The following GABRB3 variants were observed in gnomAD, a reference collection of about 807,000 sequenced individuals.
GABRB3 encodes the protein gamma-aminobutyric acid receptor subunit beta-3.
In GABRB3, 14 loss-of-function variants were observed where a neutral mutation model predicts 52.1. That is an observed-to-expected ratio of 0.27 (90% CI 0.18 to 0.42). GABRB3 has a LOEUF of 0.42. Ranked by LOEUF, GABRB3 falls within the 10% of genes least tolerant of loss-of-function variation. The pLI is 1.00. For missense variants in GABRB3, 307 were observed against 609.1 expected, an observed-to-expected ratio of 0.50 and a Z score of 5.22; for synonymous variants, 260 against 232.3, an observed-to-expected ratio of 1.12 and a Z score of -1.08.
intron 3 of GABRB3, among the ~76,000 whole-genome samples, chr15:26,638,169 G>C (rs1475800696): frequency 1.3e-5 from 2 of 152,138 alleles, no homozygotes; most frequent in Non-Finnish European, 2.9e-5. Flanking sequence ...CAGCCCACCA[G>C]GGTTCTGAAC....
At chr15:26,689,720 G>A (rs1421610484) in intron 3 of GABRB3, among the ~76,000 whole-genome samples, 2 of 152,090 alleles carry the variant, frequency 1.3e-5, no homozygotes, top group African/African-American at 4.8e-5. Flanking sequence ...CAAGCAGGAA[G>A]GAATGCTGGC....
intron 7 of GABRB3, among the ~76,000 whole-genome samples, 183 bp downstream of exon 7, chr15:26,567,398 T>C (rs2140695993): frequency 6.6e-6 from 1 of 152,276 alleles, no homozygotes; most frequent in East Asian, 1.9e-4. Flanking sequence ...AGCCTTGTAA[T>C]TAAATTAACA....
chr15:26,747,125 C>G (rs188067848), intron 3 of GABRB3, among the ~76,000 whole-genome samples: 50 of 152,318 alleles, frequency 3.3e-4, no homozygotes. Context: ...AATGTTCCCC[C>G]ACAGTGTCCT....
intron 3 of GABRB3, among the ~76,000 whole-genome samples, chr15:26,636,997 G>A (rs144839364): frequency 6.6e-6 from 1 of 152,198 alleles, no homozygotes; most frequent in African/African-American, 2.4e-5. Flanking sequence ...GTTCCCATTG[G>A]AGCAACCAGA....
chr15:26,767,294 T>C (rs1453004489), intron 3 of GABRB3: 1 of 152,146 alleles, frequency 6.6e-6, no homozygotes. Context: ...CCAGCGTGCT[T>C]TGTAATAAGA....
chr15:26,694,089 G>A (rs1015547548), intron 3 of GABRB3, among the ~76,000 whole-genome samples: 2 of 152,032 alleles, frequency 1.3e-5, no homozygotes, highest in African/African-American at 4.8e-5. Flanking sequence ...AACAGCCTGG[G>A]CAACATATAA....
chr15:26,687,970 T>G (rs1888460169), intron 3 of GABRB3, among the ~76,000 whole-genome samples: 1 of 152,184 alleles, frequency 6.6e-6, no homozygotes. Context: ...GCTTTTTGAG[T>G]CCAGTGGACA....
intron 4 of GABRB3, among the ~76,000 whole-genome samples, chr15:26,601,205 C>T (rs1053153418): frequency 1.3e-5 from 2 of 152,228 alleles, no homozygotes; most frequent in South Asian, 2.1e-4. Context: ...GGGCAGATCA[C>T]CTGAGGTCGA....
At chr15:26,715,488 A>G (rs1349206499) in intron 3 of GABRB3, among the ~76,000 whole-genome samples, 1 of 152,128 alleles carries the variant, frequency 6.6e-6, no homozygotes, top group Admixed American at 6.5e-5. Context: ...AGACTTGCAC[A>G]AAAATGCCAA....
chr15:26,567,469 G>T, intron 7 of GABRB3, 112 bp downstream of exon 7: 1 of 983,304 alleles, frequency 1.0e-6, no homozygotes. Context: ...TACAGGCAAT[G>T]CTTGTGTCAC....
chr15:26,746,218 G>T (rs1000809055), intron 3 of GABRB3, among the ~76,000 whole-genome samples: 6 of 149,846 alleles, frequency 4.0e-5, no homozygotes, highest in Middle Eastern at 3.2e-3. Flanking sequence ...GGCTAATTAT[G>T]TTGGACATTT....
chr15:26,651,221 C>A (rs547745777), intron 3 of GABRB3, among the ~76,000 whole-genome samples: 1 of 152,242 alleles, frequency 6.6e-6, no homozygotes, highest in Non-Finnish European at 1.5e-5. Flanking sequence ...AGGCCCCACA[C>A]AGAGCTTGCC....
chr15:26,709,291 A>C (rs1047881921), intron 3 of GABRB3, among the ~76,000 whole-genome samples: 2 of 152,032 alleles, frequency 1.3e-5, no homozygotes, highest in African/African-American at 2.4e-5. Context: ...CTGGGCAAGG[A>C]GTGAGTTCTC....
chr15:26,657,679 A>T (rs950166944), intron 3 of GABRB3, among the ~76,000 whole-genome samples: 2 of 152,192 alleles, frequency 1.3e-5, no homozygotes, highest in African/African-American at 4.8e-5. Context: ...ACTGAATTTC[A>T]AAGGGTTTTA....
At chr15:26,698,269 C>A (rs1888808940) in intron 3 of GABRB3, among the ~76,000 whole-genome samples, 1 of 152,148 alleles carries the variant, frequency 6.6e-6, no homozygotes, top group Non-Finnish European at 1.5e-5. Context: ...AAGTGTTTAC[C>A]CATAGACTCC....
intron 3 of GABRB3, among the ~76,000 whole-genome samples, chr15:26,741,846 G>A (rs1890216800): frequency 6.6e-6 from 1 of 152,158 alleles, no homozygotes; most frequent in Non-Finnish European, 1.5e-5. Context: ...CTGGTCTCAA[G>A]AGATGCTCCT....
At chr15:26,733,015 A>G (rs1027475575) in intron 3 of GABRB3, among the ~76,000 whole-genome samples, 1 of 142,996 alleles carries the variant, frequency 7.0e-6, no homozygotes, top group Non-Finnish European at 1.5e-5. Flanking sequence ...AAAAAAAAAA[A>G]GCCATATATG....
chr15:26,668,005 A>T (rs1245484650), intron 3 of GABRB3, among the ~76,000 whole-genome samples: 1 of 152,164 alleles, frequency 6.6e-6, no homozygotes, highest in Admixed American at 6.5e-5. Context: ...CAGAAATAGG[A>T]AACAAGATTC....
At chr15:26,695,707 T>C (rs1207015905) in intron 3 of GABRB3, among the ~76,000 whole-genome samples, 2 of 152,216 alleles carry the variant, frequency 1.3e-5, no homozygotes, top group Non-Finnish European at 2.9e-5. Flanking sequence ...TTTATTTTCC[T>C]AATTCTTAAT....
Sources: gnomAD v4.1 joint callset for allele counts (sites outside exome capture counted in the v4.1 genomes callset) on GRCh38, gnomAD v4.1.1 for gene constraint, MANE v1.5 for transcripts, NCBI Gene and HGNC (gene_info 2026-07-23, HGNC 2026-07-21) for gene names.